Variants in TECPR2 observed in about 807,000 individuals in gnomAD.
TECPR2 encodes tectonin beta-propeller repeat containing 2.
A neutral mutation model predicts 138.1 loss-of-function variants in TECPR2; 65 were observed. The observed-to-expected ratio is 0.47, with a 90% CI of 0.39 to 0.58. The LOEUF (loss-of-function observed/expected upper bound fraction) is 0.58, where lower values mean the gene tolerates loss of function less well. Ranked by LOEUF, TECPR2 falls within the 20% of genes least tolerant of loss-of-function variation. TECPR2 has a pLI of 0.00. For missense variants in TECPR2, 1,553 were observed against 1,824.5 expected (o/e 0.85, Z 2.71); for synonymous variants, 746 against 749.8 (o/e 0.99, Z 0.08).
chr14:102,448,042 G>T (rs914616608), intron 13 of TECPR2, among the ~76,000 whole-genome samples: 2 of 152,066 alleles, frequency 1.3e-5, no homozygotes, highest in African/African-American at 2.4e-5. Context: ...TATATACTAG[G>T]TAATATTTGA....
rs1318224910 is a variant in TECPR2 at position 102,497,582 on chromosome 14, G to A, written c.3944G>A (p.Cys1315Tyr). ...TGTCTGCCCACAGGGTTGCAGGCCT[G>A]CCAGCTGGCGCTGAGCACCAGGACC... Reference protein sequence around the residue: ...AWEHVPGLQACQLALSTRTVW... With the variant: ...AWEHVPGLQAYQLALSTRTVW... The change falls in exon 19 of 20, where the codon TGC becomes TAC. Residue 1315 changes from cysteine to tyrosine, a missense_variant. Cys to Tyr is a radical substitution (Grantham distance 194). Transcript: ENST00000359520. 1.3e-6 allele frequency: 2 copies of A among 1,599,960 alleles called. No homozygotes were observed. Among genetic ancestry groups the A allele is most frequent in the South Asian group, 1.1e-5 (1 of 89,260 alleles).
rs538050770 is a variant in TECPR2 at position 102,410,488 on chromosome 14, A to T, written c.480+1869A>T. Among the ~76,000 whole-genome samples, 341 of 71,974 alleles carry T rather than the reference A, an allele frequency of 4.7e-3. 1 individual carries two copies. Among genetic ancestry groups the T allele is most frequent in the East Asian group, 0.033 (131 of 3,962 alleles). 47.2% of individuals were successfully genotyped at this position (71,974 alleles called of 152,430 possible). On this transcript the variant is annotated intron_variant, in intron 4 of 19. Coordinates refer to ENST00000359520, the MANE Select transcript of TECPR2 (RefSeq NM_014844.5). ...AATAAATTAAAAAAAAAAATAAAAA[A>T]TAAAAAATAAAAAAATAAAAACACA...
rs151107070 is a variant in TECPR2, at chr14:102,481,738, G to A, written c.3790-15241G>A. Among the ~76,000 whole-genome samples, 631 of 152,166 alleles carry A rather than the reference G, an allele frequency of 4.1e-3. 3 individuals are homozygous for A. Among genetic ancestry groups the A allele is most frequent in the Non-Finnish European group, 7.2e-3 (493 of 68,006 alleles). ...TGGAGAGTTCCTTTCAGTTCTTTTC[G>A]CTGCCTGTCTCTGAATGCTGCTTCG... On this transcript the variant is annotated intron_variant, in intron 17 of 19. Transcript: ENST00000359520.
At chr14:102,462,663 A>G (rs1157451035) in intron 16 of TECPR2, among the ~76,000 whole-genome samples, 1 of 152,188 alleles carries the variant, frequency 6.6e-6, no homozygotes, top group Non-Finnish European at 1.5e-5. Flanking sequence ...GCCCCTCTCC[A>G]GCAGCACCAC....
chr14:102,398,780 G>A (rs1888387873), intron 2 of TECPR2, among the ~76,000 whole-genome samples: 1 of 152,108 alleles, frequency 6.6e-6, no homozygotes, highest in African/African-American at 2.4e-5. Context: ...GCTTGAGCCT[G>A]GAAGGTCGAG....
chr14:102,437,803 G>A (rs1889708135), intron 9 of TECPR2, among the ~76,000 whole-genome samples: 1 of 152,188 alleles, frequency 6.6e-6, no homozygotes, highest in East Asian at 1.9e-4. Flanking sequence ...AGGGACTCCA[G>A]GGAGTCTTTG....
intron 16 of TECPR2, among the ~76,000 whole-genome samples, chr14:102,454,089 G>A (rs1890218576): frequency 6.6e-6 from 1 of 151,812 alleles, no homozygotes. Context: ...GTAGGCAGAG[G>A]TTGCAGTGAG....
chr14:102,442,685 G>A (rs2139742484), intron 11 of TECPR2, among the ~76,000 whole-genome samples: 1 of 152,316 alleles, frequency 6.6e-6, no homozygotes, highest in South Asian at 2.1e-4. Context: ...AGTGTGTCGT[G>A]TAAGAAGTCC....
intron 4 of TECPR2, among the ~76,000 whole-genome samples, chr14:102,412,233 G>A (rs560774248): frequency 5.3e-5 from 8 of 150,908 alleles, no homozygotes; most frequent in African/African-American, 2.0e-4. Context: ...CCAGGTTCAG[G>A]TGATTCCCCC....
intron 3 of TECPR2, 97 bp from the exon 4 acceptor site, chr14:102,408,391 C>A: frequency 7.4e-7 from 1 of 1,355,028 alleles, no homozygotes; most frequent in Admixed American, 2.6e-5. Flanking sequence ...CCAGCTCTTC[C>A]CTAACTAGGA....
chr14:102,406,831 G>A lies in TECPR2; in HGVS notation c.220-507G>A, dbSNP rs1250416312. ...ATTGCACCACTGCCCTCCTACCTAG[G>A]TATATTTGTTTTTTGGTTTTTTTGT... On this transcript the variant is annotated intron_variant, in intron 2 of 19. Coordinates refer to ENST00000359520, the MANE Select transcript of TECPR2 (RefSeq NM_014844.5). Among the ~76,000 whole-genome samples the A allele has an allele frequency of 1.1e-4, 17 of 152,042 alleles. 1 individual carries two copies. Among genetic ancestry groups the A allele is most frequent in the Admixed American group, 1.0e-3 (16 of 15,242 alleles).
At chr14:102,486,690 C>T (rs1050514188) in intron 17 of TECPR2, among the ~76,000 whole-genome samples, 13 of 152,200 alleles carry the variant, frequency 8.5e-5, no homozygotes, top group Admixed American at 6.5e-4. Flanking sequence ...ATACCCACCT[C>T]GTACCACGGT....
chr14:102,392,965 C>T (rs1888219708), intron 2 of TECPR2, among the ~76,000 whole-genome samples: 1 of 152,178 alleles, frequency 6.6e-6, no homozygotes, highest in Non-Finnish European at 1.5e-5. Context: ...AGACAGATTT[C>T]CTTGCCAGCT....
chr14:102,371,608 G>A (rs1244000049), intron 1 of TECPR2, among the ~76,000 whole-genome samples: 1 of 152,140 alleles, frequency 6.6e-6, no homozygotes, highest in African/African-American at 2.4e-5. Context: ...GATATCCTTT[G>A]GAAAAACGTG....
At chr14:102,463,431 A>AG (rs1474986080) in intron 16 of TECPR2, among the ~76,000 whole-genome samples, 3 of 150,980 alleles carry the variant, frequency 2.0e-5, no homozygotes, top group African/African-American at 7.3e-5. Flanking sequence ...AAAAAAAAAA[A>AG]AAAAAAAAGA....
chr14:102,412,960 G>A (rs1888923170), intron 4 of TECPR2, among the ~76,000 whole-genome samples: 1 of 152,106 alleles, frequency 6.6e-6, no homozygotes, highest in Non-Finnish European at 1.5e-5. Flanking sequence ...GCCAGGTATG[G>A]TGATGCACAC....
chr14:102,408,391 C>T (rs755294036), intron 3 of TECPR2, 97 bp from the exon 4 acceptor site: 3 of 1,355,030 alleles, frequency 2.2e-6, no homozygotes, highest in Non-Finnish European at 3.0e-6. Context: ...CCAGCTCTTC[C>T]CTAACTAGGA....
intron 2 of TECPR2, 75 bp downstream of exon 2, chr14:102,377,015 G>A (rs1887660720): frequency 1.4e-6 from 2 of 1,467,924 alleles, no homozygotes; most frequent in Non-Finnish European, 1.9e-6. Context: ...GTTCTAGGAT[G>A]AGATAATTTA....
intron 5 of TECPR2, among the ~76,000 whole-genome samples, chr14:102,424,501 A>G (rs927576821): frequency 2.0e-5 from 3 of 152,116 alleles, no homozygotes; most frequent in African/African-American, 4.8e-5. Context: ...TGCCTGGCTA[A>G]TTTTTGTATT....
Sources: allele counts gnomAD v4.1 joint callset (sites outside exome capture counted in the v4.1 genomes callset), GRCh38; gene constraint gnomAD v4.1.1; transcripts MANE v1.5; gene names NCBI Gene and HGNC (gene_info 2026-07-23, HGNC 2026-07-21).